Variants in ZNF138 observed in about 807,000 individuals in gnomAD.
ZNF138 encodes zinc finger protein 138, also known as zinc finger protein 138 (clone pHZ-32).
Under a neutral mutation model 33.0 loss-of-function variants are expected in ZNF138, and 33 were observed. The ratio of observed to expected loss-of-function variants is 1.00; its 90% CI spans 0.76 to 1.34. The LOEUF (loss-of-function observed/expected upper bound fraction) is 1.34. Ranked by LOEUF, ZNF138 falls within the 40% of genes most tolerant of loss-of-function variation. The probability of loss-of-function intolerance (pLI) is 0.00; values close to 1 mark genes in which losing one functional copy is unlikely to be tolerated. For missense variants in ZNF138, 360 were observed against 370.8 expected, an observed-to-expected ratio of 0.97 and a Z score of 0.24; for synonymous variants, 139 against 120.4, an observed-to-expected ratio of 1.15 and a Z score of -1.01.
the ZNF138 span, among the ~76,000 whole-genome samples, chr7:64,850,068 C>T: frequency 0.012 from 1,904 of 152,332 alleles, 31 homozygotes; most frequent in African/African-American, 0.043. Context: ...CCCAAGGGCC[C>T]CTTTGACGCA....
chr7:64,814,630 G>C (rs1216057524), intron 1 of ZNF138, among the ~76,000 whole-genome samples: 1 of 152,070 alleles, frequency 6.6e-6, no homozygotes, highest in East Asian at 1.9e-4. Context: ...ACTAGACTTG[G>C]TGGTGGGCAC....
At chr7:64,858,310 A>T in the ZNF138 span, among the ~76,000 whole-genome samples, 1 of 152,206 alleles carries the variant, frequency 6.6e-6, no homozygotes, top group East Asian at 1.9e-4. Flanking sequence ...TAAAAAGCAA[A>T]TGTGTCTTTT....
chr7:64,858,651 C>A, the ZNF138 span, among the ~76,000 whole-genome samples: 1 of 152,126 alleles, frequency 6.6e-6, no homozygotes, highest in South Asian at 2.1e-4. Context: ...ATCTTTTTCA[C>A]CCCCTGTCGC....
chr7:64,823,286 T>A (rs577171162), intron 3 of ZNF138, among the ~76,000 whole-genome samples: 2 of 152,280 alleles, frequency 1.3e-5, no homozygotes, highest in South Asian at 4.1e-4. Flanking sequence ...AATTCCTAGG[T>A]TTATTCAGTT....
chr7:64,820,518 G>C (rs12154807), intron 3 of ZNF138, among the ~76,000 whole-genome samples: 1 of 151,610 alleles, frequency 6.6e-6, no homozygotes, highest in African/African-American at 2.4e-5. Context: ...TCAGGTCCTG[G>C]GTTGCATAGT....
At chr7:64,852,638 A>T in the ZNF138 span, 1 of 1,441,030 alleles carries the variant, frequency 6.9e-7, no homozygotes, top group Non-Finnish European at 9.8e-7. Flanking sequence ...CATGTTCATC[A>T]TCACCTCCTC....
At chr7:64,814,748 G>C (rs768656560) in intron 1 of ZNF138, among the ~76,000 whole-genome samples, 170 bp from the exon 2 acceptor site, 1 of 149,660 alleles carries the variant, frequency 6.7e-6, no homozygotes, top group Non-Finnish European at 1.5e-5. Flanking sequence ...GGGCAACAGA[G>C]TGAGACTCTG....
chr7:64,821,781 G>A lies in ZNF138; in HGVS notation c.208+6128G>A, dbSNP rs1003201506. 1.8e-4 allele frequency among the ~76,000 whole-genome samples: 28 copies of A among 151,380 alleles called. 1 individual carries two copies. The highest frequency in any genetic ancestry group is 1.2e-3 in the Admixed American group (19 of 15,218). On this transcript the variant is annotated intron_variant, in intron 3 of 3. Transcript: ENST00000307355. ...AGGCTGGTCTCCAACTACTGACCTC[G>A]TGATCCTCCTGCCTTGGCCTCCCAA...
intron 3 of ZNF138, among the ~76,000 whole-genome samples, chr7:64,825,423 G>A (rs1264311387): frequency 1.3e-5 from 2 of 150,790 alleles, no homozygotes; most frequent in South Asian, 2.1e-4. Context: ...TGCCCACCTT[G>A]GCCTCCCAAA....
downstream of ZNF138, chr7:64,833,702 TGTG>T (rs1400175520): frequency 2.3e-4 from 1 of 4,302 alleles, no homozygotes; most frequent in Non-Finnish European, 4.9e-3. Flanking sequence ...TGTTTTAGTG[TGTG>T]GTTTGTTTGT....
downstream of ZNF138, chr7:64,836,072 C>G (rs1235512247): frequency 1.3e-5 from 2 of 152,068 alleles, no homozygotes; most frequent in Non-Finnish European, 2.9e-5. Context: ...CCGGGTGGTG[C>G]CAGGGCGCTG....
the ZNF138 span, among the ~76,000 whole-genome samples, chr7:64,840,289 G>A: frequency 6.6e-6 from 1 of 152,068 alleles, no homozygotes; most frequent in Non-Finnish European, 1.5e-5. Context: ...CAAGGGTGTA[G>A]GTCAAAGATG....
the ZNF138 span, among the ~76,000 whole-genome samples, chr7:64,851,534 T>A: frequency 2.6e-5 from 4 of 152,146 alleles, no homozygotes; most frequent in Non-Finnish European, 5.9e-5. Flanking sequence ...AAATATAAAA[T>A]GTATTAAACA....
the ZNF138 span, among the ~76,000 whole-genome samples, chr7:64,847,391 C>A: frequency 6.9e-6 from 1 of 145,338 alleles, no homozygotes; most frequent in Middle Eastern, 3.4e-3. Context: ...ACTGTTAAGC[C>A]CGTTTGTTCT....
chr7:64,820,296 C>T (rs925525902), intron 3 of ZNF138, among the ~76,000 whole-genome samples: 1 of 151,470 alleles, frequency 6.6e-6, no homozygotes, highest in African/African-American at 2.4e-5. Context: ...CATCCAGTCT[C>T]CATCATTTTG....
the ZNF138 span, chr7:64,852,712 A>T: frequency 1.7e-6 from 2 of 1,167,036 alleles, no homozygotes; most frequent in African/African-American, 3.0e-5. Context: ...TCTTAGGAAT[A>T]TCCAGCCACT....
Position 64,832,547 on chromosome 7 carries a change from T to A in ZNF138, c.*345T>A, listed in dbSNP as rs1484566027. ...CCTTTAACTGGTCCTCAACTCTTAT[T>A]ACACATAAGATAATTCACAGTGGAG... On this transcript the variant is annotated 3_prime_UTR_variant, in exon 4 of 4. Coordinates refer to ENST00000307355, the MANE Select transcript of ZNF138 (RefSeq NM_001271639.2). 3.3e-6 allele frequency: 2 copies of A among 612,132 alleles called. No homozygotes were observed. The highest frequency in any genetic ancestry group is 2.7e-5 in the Admixed American group (1 of 36,930). 37.9% of individuals were successfully genotyped at this position (612,132 alleles called of 1,614,324 possible).
intron 1 of ZNF138, among the ~76,000 whole-genome samples, chr7:64,796,795 C>G (rs138855893): frequency 1.3e-5 from 2 of 152,336 alleles, no homozygotes; most frequent in East Asian, 3.9e-4. Flanking sequence ...GAAATCCCAG[C>G]ACTGTGGGAG....
chr7:64,850,913 G>T, the ZNF138 span, among the ~76,000 whole-genome samples: 1 of 152,008 alleles, frequency 6.6e-6, no homozygotes, highest in African/African-American at 2.4e-5. Context: ...AGTCAGTCTG[G>T]GGGTATAATA....
Sources: allele counts gnomAD v4.1 joint callset (sites outside exome capture counted in the v4.1 genomes callset), GRCh38; gene constraint gnomAD v4.1.1; transcripts MANE v1.5; gene names NCBI Gene and HGNC (gene_info 2026-07-23, HGNC 2026-07-21).